The following ANAPC7 variants were observed in gnomAD, a reference collection of about 807,000 sequenced individuals.
ANAPC7 encodes anaphase promoting complex subunit 7.
ANAPC7 carries 25 observed loss-of-function variants against 63.3 expected under a neutral mutation model. The observed-to-expected ratio is 0.39, with a 90% confidence interval of 0.29 to 0.55. ANAPC7 has a LOEUF of 0.55. Among genes scored for constraint, ANAPC7 ranks in the 20% least tolerant of loss-of-function variants. The probability of loss-of-function intolerance (pLI) is 0.57; values close to 1 mark genes in which losing one functional copy is unlikely to be tolerated. For synonymous variants in ANAPC7, 241 were observed against 251.7 expected (o/e 0.96, Z 0.40); for missense variants, 516 against 691.7 (o/e 0.75, Z 2.85).
At position 110,403,533 on chromosome 12, in the gene ANAPC7, T is replaced by G; in HGVS notation, c.95A>C (p.Asn32Thr). ...LSSLLLTMSN[N>T]NPELFSPPQK... ...GCTACCCGCCTCAACTCACGGGTTG[T>G]TATTACTCATTGTAAGTAACAAGCT... is the stretch of plus-strand genomic sequence containing the variant. The change falls in exon 1 of 11, where the codon AAC becomes ACC. Residue 32 changes from asparagine to threonine, a missense_variant. By Grantham distance (65) the Asn-to-Thr change is moderately conservative. This residue lies in a region of ANAPC7 where 185 missense variants were observed against 200.3 expected (regional missense o/e 0.92). Coordinates refer to ENST00000455511, the MANE Select transcript of ANAPC7 (RefSeq NM_016238.3). 1 of 1,600,972 alleles carries G rather than the reference T, an allele frequency of 6.2e-7. No individual in the cohort carries two copies. Among genetic ancestry groups the G allele is most frequent in the Non-Finnish European group, 8.5e-7 (1 of 1,174,552 alleles).
At position 110,403,690 on chromosome 12, in the gene ANAPC7, T is replaced by G. The variant is rs1254573950; in HGVS notation, c.-63A>C. 3.9e-6 allele frequency: 6 copies of G among 1,553,240 alleles called. No individual in the cohort carries two copies. Among genetic ancestry groups the G allele is most frequent in the African/African-American group, 1.4e-5 (1 of 73,344 alleles). On this transcript the variant is annotated 5_prime_UTR_variant, in exon 1 of 11. Coordinates refer to ENST00000455511, the MANE Select transcript of ANAPC7 (RefSeq NM_016238.3). ...GACTCGAAAAGCCGGTAGAGGATCCTTAGGGAAGACTCCAAAATGGCGGCG... is the reference window on the plus strand; with the variant it reads ...GACTCGAAAAGCCGGTAGAGGATCCGTAGGGAAGACTCCAAAATGGCGGCG...
chr12:110,375,327 C>T (rs888626869), intron 10 of ANAPC7: 58 of 763,206 alleles, frequency 7.6e-5, no homozygotes, highest in Non-Finnish European at 8.4e-5. Flanking sequence ...CGAAACATAG[C>T]ATCTCCAGTT....
intron 2 of ANAPC7, among the ~76,000 whole-genome samples, chr12:110,395,888 C>G (rs1014519794): frequency 1.2e-4 from 18 of 152,172 alleles, no homozygotes; most frequent in African/African-American, 4.3e-4. Flanking sequence ...TCAGCGGTCC[C>G]CAACCTTTTT....
chr12:110,397,946 T>C (rs2062168117), intron 1 of ANAPC7, among the ~76,000 whole-genome samples: 1 of 151,332 alleles, frequency 6.6e-6, no homozygotes, highest in African/African-American at 2.4e-5. Flanking sequence ...AGGATTGGCC[T>C]TGATAAAAGT....
At chr12:110,399,664 G>A (rs2137994005) in intron 1 of ANAPC7, among the ~76,000 whole-genome samples, 1 of 151,958 alleles carries the variant, frequency 6.6e-6, no homozygotes, top group South Asian at 2.1e-4. Context: ...GGTGGCTTAT[G>A]CCTATAATCC....
chr12:110,401,793 G>A (rs2062232081), intron 1 of ANAPC7, among the ~76,000 whole-genome samples: 1 of 151,886 alleles, frequency 6.6e-6, no homozygotes, highest in Non-Finnish European at 1.5e-5. Context: ...AGACCATCGT[G>A]AAACCCTGTC....
At chr12:110,394,669 C>CAAAAAAAAAAA (rs779142936) in intron 3 of ANAPC7, among the ~76,000 whole-genome samples, 10 of 42,788 alleles carry the variant, frequency 2.3e-4, no homozygotes, top group African/African-American at 9.6e-4. Context: ...AATTCCACCT[C>CAAAAAAAAAAA]AAAAAAAAAA....
chr12:110,402,879 G>A (rs1027307869), intron 1 of ANAPC7, among the ~76,000 whole-genome samples: 21 of 152,126 alleles, frequency 1.4e-4, no homozygotes, highest in African/African-American at 4.3e-4. Context: ...GGGACCGCAG[G>A]CACGCACCAT....
intron 1 of ANAPC7, among the ~76,000 whole-genome samples, chr12:110,399,936 A>T (rs1437215982): frequency 6.6e-6 from 1 of 152,098 alleles, no homozygotes; most frequent in African/African-American, 2.4e-5. Context: ...TCTACTAAAA[A>T]TACGAAAATT....
At chr12:110,384,089 C>A (rs1882222112) in intron 6 of ANAPC7, among the ~76,000 whole-genome samples, 1 of 151,776 alleles carries the variant, frequency 6.6e-6, no homozygotes, top group African/African-American at 2.4e-5. Flanking sequence ...GTAATACCAG[C>A]TACTCGGGAG....
chr12:110,388,913 T>G (rs140644527), intron 3 of ANAPC7, among the ~76,000 whole-genome samples: 2,079 of 151,652 alleles, frequency 0.014, 25 homozygotes, highest in Middle Eastern at 0.027. Flanking sequence ...ACCCCGTCTC[T>G]ACTAAAAAAT....
intron 10 of ANAPC7, among the ~76,000 whole-genome samples, chr12:110,375,255 A>G (rs374985758): frequency 1.5e-4 from 23 of 152,196 alleles, no homozygotes; most frequent in African/African-American, 5.3e-4. Flanking sequence ...CCTTCTACAG[A>G]CTACTATGAA....
intron 3 of ANAPC7, among the ~76,000 whole-genome samples, chr12:110,393,104 T>C (rs549606724): frequency 6.6e-6 from 1 of 152,266 alleles, no homozygotes; most frequent in South Asian, 2.1e-4. Flanking sequence ...CGACACCAGA[T>C]CTTTTGATTT....
At chr12:110,387,291 G>GAGAGAGAGAGAGAGAGAGAGAC (rs1882608343) in intron 5 of ANAPC7, 1 of 126,238 alleles carries the variant, frequency 7.9e-6, no homozygotes, top group African/African-American at 3.2e-5. Flanking sequence ...GAGAGACAGA[G>GAGAGAGAGAGAGAGAGAGAGAC]AGAGAGAGAG....
chr12:110,380,573 C>A (rs1881726327), intron 8 of ANAPC7, among the ~76,000 whole-genome samples: 1 of 151,146 alleles, frequency 6.6e-6, no homozygotes, highest in African/African-American at 2.4e-5. Flanking sequence ...ATGGTTTGAA[C>A]CCGGAAGGTG....
chr12:110,401,657 G>A (rs2062229836), intron 1 of ANAPC7, among the ~76,000 whole-genome samples: 1 of 152,130 alleles, frequency 6.6e-6, no homozygotes, highest in Non-Finnish European at 1.5e-5. Context: ...TTGGGAGGCC[G>A]AGGCGGCGGG....
intron 1 of ANAPC7, among the ~76,000 whole-genome samples, chr12:110,398,137 C>T (rs996418514): frequency 6.6e-6 from 1 of 150,614 alleles, no homozygotes; most frequent in Non-Finnish European, 1.5e-5. Context: ...TCCCAGCTAC[C>T]TGGGAGGCTG....
At chr12:110,386,282 C>T in intron 6 of ANAPC7, 45 bp downstream of exon 6, 1 of 1,609,780 alleles carries the variant, frequency 6.2e-7, no homozygotes, top group Non-Finnish European at 8.5e-7. Context: ...ATCTCTGATC[C>T]CCCCCAACAA....
intron 8 of ANAPC7, chr12:110,378,631 A>T (rs1000757629): frequency 6.6e-5 from 10 of 152,154 alleles, no homozygotes; most frequent in African/African-American, 2.2e-4. Flanking sequence ...GGCCACCTTG[A>T]GAAGAGTCAA....
Sources: allele counts gnomAD v4.1 joint callset (sites outside exome capture counted in the v4.1 genomes callset), GRCh38; gene constraint gnomAD v4.1.1; regional missense constraint gnomAD v4.1.1; transcripts MANE v1.5; gene names NCBI Gene and HGNC (gene_info 2026-07-23, HGNC 2026-07-21).